The following MMP16 variants were observed in gnomAD, a reference collection of about 807,000 sequenced individuals.
MMP16 encodes matrix metalloproteinase-16.
A neutral mutation model predicts 67.8 loss-of-function variants in MMP16; 12 were observed. The observed-to-expected ratio is 0.18, with a 90% CI of 0.11 to 0.29. MMP16 has a LOEUF of 0.29. Ranked by LOEUF, MMP16 falls within the 10% of genes least tolerant of loss-of-function variation. The pLI, the probability that MMP16 is intolerant of heterozygous loss-of-function variation, is 1.00. For synonymous variants in MMP16, 249 were observed against 255.9 expected (o/e 0.97, Z 0.26); for missense variants, 475 against 765.7 (o/e 0.62, Z 4.48).
chr8:88,301,224 G>T (rs548081349), intron 1 of MMP16, among the ~76,000 whole-genome samples: 3 of 151,980 alleles, frequency 2.0e-5, no homozygotes, highest in Admixed American at 2.0e-4. Flanking sequence ...ATAACATGCC[G>T]GGGGGAAAGA....
At position 88,036,707 on chromosome 8, in the gene MMP16, T is replaced by C. The variant is rs1053581410; in HGVS notation, c.*4754A>G. 2 of 151,806 alleles carry C rather than the reference T, an allele frequency of 1.3e-5. No individual in the cohort carries two copies. Among genetic ancestry groups the C allele is most frequent in the Admixed American group, 1.3e-4 (2 of 15,194 alleles). The allele number at this position is 151,806 out of a possible 1,614,324, so 9.4% of individuals were successfully genotyped here. A position where few individuals can be genotyped will look rare whatever the true frequency, so the allele number is the denominator to read the frequency against. On this transcript the variant is annotated 3_prime_UTR_variant, in exon 10 of 10. Transcript: ENST00000286614. ...ACTTGACACATTTTGTGATATTACA[T>C]ATTGGCTGAGATTGCTGTAATAGGT...
At chr8:88,108,366 G>C (rs1229204881) in intron 6 of MMP16, among the ~76,000 whole-genome samples, 1 of 151,138 alleles carries the variant, frequency 6.6e-6, no homozygotes, top group African/African-American at 2.4e-5. Flanking sequence ...TTGTCTGAGA[G>C]AGCAATTTGC....
intron 1 of MMP16, among the ~76,000 whole-genome samples, chr8:88,298,645 G>A (rs1257058288): frequency 6.6e-6 from 1 of 152,152 alleles, no homozygotes; most frequent in Non-Finnish European, 1.5e-5. Context: ...TCCTCCTGGT[G>A]ATTCATCTGC....
At chr8:88,112,277 A>G (rs1390949194) in intron 6 of MMP16, among the ~76,000 whole-genome samples, 3 of 151,398 alleles carry the variant, frequency 2.0e-5, no homozygotes, top group African/African-American at 7.3e-5. Flanking sequence ...TTACCACTAT[A>G]TGCATTCATT....
chr8:88,093,817 AAC>A (rs1808980300), intron 6 of MMP16, among the ~76,000 whole-genome samples: 2 of 151,846 alleles, frequency 1.3e-5, no homozygotes, highest in African/African-American at 4.8e-5. Flanking sequence ...TTGAACATCA[AAC>A]ACAATCTTAA....
At chr8:88,106,389 C>CTATG (rs746797247) in intron 6 of MMP16, among the ~76,000 whole-genome samples, 17 of 151,246 alleles carry the variant, frequency 1.1e-4, no homozygotes, top group Non-Finnish European at 2.4e-4. Context: ...ATTGGCTAGG[C>CTATG]TATGTCTAAG....
chr8:88,225,037 A>G (rs1331234421), intron 1 of MMP16, among the ~76,000 whole-genome samples: 1 of 151,988 alleles, frequency 6.6e-6, no homozygotes, highest in Non-Finnish European at 1.5e-5. Context: ...AACACTTCAA[A>G]TCATTTATGA....
intron 1 of MMP16, among the ~76,000 whole-genome samples, chr8:88,269,928 TATCTC>T (rs1342474813): frequency 5.9e-5 from 9 of 152,254 alleles, no homozygotes; most frequent in Non-Finnish European, 1.2e-4. Context: ...AATACTAAAA[TATCTC>T]ATATTATAAT....
chr8:88,221,201 T>C (rs1311002681), intron 1 of MMP16, among the ~76,000 whole-genome samples: 1 of 152,104 alleles, frequency 6.6e-6, no homozygotes, highest in Non-Finnish European at 1.5e-5. Context: ...TTTTCTCACC[T>C]GCGTCCTAGA....
intron 3 of MMP16, among the ~76,000 whole-genome samples, chr8:88,171,073 T>C (rs189870133): frequency 1.3e-5 from 2 of 152,304 alleles, no homozygotes; most frequent in Admixed American, 1.3e-4. Context: ...AATGAAATCA[T>C]GGTAGTATGA....
intron 4 of MMP16, among the ~76,000 whole-genome samples, chr8:88,132,449 G>C (rs1282703097): frequency 1.3e-5 from 2 of 151,800 alleles, no homozygotes; most frequent in Non-Finnish European, 2.9e-5. Flanking sequence ...TCAAACTGTT[G>C]GCTGGAGCTG....
intron 1 of MMP16, among the ~76,000 whole-genome samples, chr8:88,262,422 C>T (rs1233512583): frequency 2.0e-5 from 3 of 152,034 alleles, no homozygotes; most frequent in Non-Finnish European, 1.5e-5. Flanking sequence ...AGTATTTTTC[C>T]GGAACTTCAT....
At position 88,320,447 on chromosome 8, in the gene MMP16, T is replaced by A. The variant is rs577373772; in HGVS notation, c.132+6628A>T. On this transcript the variant is annotated intron_variant, in intron 1 of 9. Transcript: ENST00000286614. Reference sequence around the variant, plus strand: ...CTACAATGTATAGTTTTTGACCTATTACACACCTAAAAATAAGAGAAATGT... The same window carrying A: ...CTACAATGTATAGTTTTTGACCTATAACACACCTAAAAATAAGAGAAATGT... Among the ~76,000 whole-genome samples, 9 of 152,282 alleles carry A rather than the reference T, an allele frequency of 5.9e-5. No homozygotes were observed. The South Asian group carries it at 1.9e-3, about 32-fold the overall frequency.
At position 88,189,926 on chromosome 8, in the gene MMP16, A is replaced by G. The variant is rs923757893; in HGVS notation, c.282-3328T>C. On this transcript the variant is annotated intron_variant, in intron 2 of 9. Coordinates refer to ENST00000286614, the MANE Select transcript of MMP16 (RefSeq NM_005941.5). ...CAAGCATGAGGTCAGTGCCTAGTGAAGTCGCCAATAAGGAACATGAAGCAA... is the reference window on the plus strand; with the variant it reads ...CAAGCATGAGGTCAGTGCCTAGTGAGGTCGCCAATAAGGAACATGAAGCAA... Among the ~76,000 whole-genome samples, 11 of 152,184 alleles carry G rather than the reference A, an allele frequency of 7.2e-5. No individual in the cohort carries two copies. In the East Asian group the frequency reaches 1.5e-3, roughly 21 times the overall value.
intron 8 of MMP16, among the ~76,000 whole-genome samples, chr8:88,048,378 G>C (rs998952458): frequency 3.3e-5 from 5 of 151,996 alleles, no homozygotes; most frequent in Admixed American, 1.3e-4. Context: ...TCCCTACTTT[G>C]GATCACTCAT....
intron 4 of MMP16, among the ~76,000 whole-genome samples, chr8:88,130,524 C>T (rs1341150864): frequency 6.6e-6 from 1 of 151,438 alleles, no homozygotes; most frequent in Non-Finnish European, 1.5e-5. Flanking sequence ...GTGGTTTATT[C>T]CACATATTCT....
chr8:88,250,957 G>A (rs1480525616), intron 1 of MMP16, among the ~76,000 whole-genome samples: 1 of 137,410 alleles, frequency 7.3e-6, no homozygotes, highest in Non-Finnish European at 1.5e-5. Flanking sequence ...TCCCCAGAGT[G>A]TGATGCTCCC....
intron 7 of MMP16, among the ~76,000 whole-genome samples, chr8:88,062,143 T>C (rs943801834): frequency 1.8e-4 from 27 of 152,100 alleles, no homozygotes; most frequent in Admixed American, 6.6e-4. Context: ...AATACAATTA[T>C]ACAATTCCTT....
chr8:88,136,669 T>C (rs889340237), intron 4 of MMP16, among the ~76,000 whole-genome samples: 1 of 151,526 alleles, frequency 6.6e-6, no homozygotes. Context: ...ATTAAATTCA[T>C]ATTAAATACA....
Sources: gnomAD v4.1 joint callset for allele counts (sites outside exome capture counted in the v4.1 genomes callset) on GRCh38, gnomAD v4.1.1 for gene constraint, MANE v1.5 for transcripts, NCBI Gene and HGNC (gene_info 2026-07-23, HGNC 2026-07-21) for gene names.